The following EBF1 variants were observed in gnomAD, a reference collection of about 807,000 sequenced individuals.
EBF1 encodes EBF transcription factor 1.
In EBF1, 10 loss-of-function variants were observed where a neutral mutation model predicts 68.4. That is an observed-to-expected ratio of 0.15 (90% CI 0.09 to 0.25). EBF1 has a LOEUF of 0.25. EBF1 is among the 10% of genes least tolerant of loss of function. EBF1 has a pLI of 1.00. For synonymous variants in EBF1, 298 were observed against 299.8 expected (o/e 0.99, Z 0.06); for missense variants, 509 against 794.4 (o/e 0.64, Z 4.32).
chr5:159,028,057 T>C (rs1456364471), intron 6 of EBF1, among the ~76,000 whole-genome samples: 1 of 152,254 alleles, frequency 6.6e-6, no homozygotes, highest in Non-Finnish European at 1.5e-5. Flanking sequence ...TTTGTGCAAC[T>C]GCTTCCTACT....
chr5:158,716,454 G>A (rs539852142), intron 11 of EBF1, among the ~76,000 whole-genome samples: 1 of 152,244 alleles, frequency 6.6e-6, no homozygotes, highest in African/African-American at 2.4e-5. Flanking sequence ...CATCACTTCA[G>A]GCCAGCAGTC....
chr5:158,786,473 G>A lies in EBF1; in HGVS notation c.910-8934C>T, dbSNP rs113670291. The stretch of plus-strand genomic sequence containing the variant: ...TTCCCAGGATGTAGATCTTGTGCCA[G>A]TTGGGCCCCATTAAAGACTGGATCC... On this transcript the variant is annotated intron_variant, in intron 9 of 15. Coordinates refer to ENST00000313708, the MANE Select transcript of EBF1 (RefSeq NM_024007.5). Among the ~76,000 whole-genome samples, 1,356 of 151,910 alleles carry A rather than the reference G, an allele frequency of 8.9e-3. 19 individuals carry two copies. Among genetic ancestry groups the A allele is most frequent in the African/African-American group, 0.031 (1,290 of 41,394 alleles).
chr5:159,076,916 A>C (rs894912401), intron 5 of EBF1, among the ~76,000 whole-genome samples: 2 of 152,220 alleles, frequency 1.3e-5, no homozygotes, highest in Admixed American at 6.5e-5. Context: ...CATTAAAAAG[A>C]ATGAAGGTAG....
At chr5:159,032,341 G>A (rs975630610) in intron 6 of EBF1, among the ~76,000 whole-genome samples, 2 of 152,132 alleles carry the variant, frequency 1.3e-5, no homozygotes, top group African/African-American at 4.8e-5. Flanking sequence ...TTCAAACCCA[G>A]GGCCATCTGA....
At chr5:158,889,703 G>A (rs775541451) in intron 6 of EBF1, among the ~76,000 whole-genome samples, 1 of 152,142 alleles carries the variant, frequency 6.6e-6, no homozygotes, top group Non-Finnish European at 1.5e-5. Flanking sequence ...GAGGGATTAA[G>A]GGAATATGTG....
intron 6 of EBF1, among the ~76,000 whole-genome samples, chr5:158,897,333 A>C (rs1478183120): frequency 6.6e-6 from 1 of 152,204 alleles, no homozygotes; most frequent in Non-Finnish European, 1.5e-5. Context: ...CAAATACTGC[A>C]TGTTCTCACT....
intron 6 of EBF1, among the ~76,000 whole-genome samples, chr5:158,991,529 A>G (rs1177687089): frequency 6.6e-6 from 1 of 152,220 alleles, no homozygotes; most frequent in Non-Finnish European, 1.5e-5. Context: ...TCAAGAAAAG[A>G]AGAAGCGCGC....
chr5:159,087,313 C>T (rs13167291), intron 4 of EBF1, among the ~76,000 whole-genome samples: 72,671 of 143,100 alleles, frequency 0.51, 20,009 homozygotes, highest in African/African-American at 0.73. Context: ...TACACACACA[C>T]ATATATATAC....
chr5:159,002,947 A>G (rs1762838106), intron 6 of EBF1, among the ~76,000 whole-genome samples: 1 of 152,218 alleles, frequency 6.6e-6, no homozygotes, highest in Non-Finnish European at 1.5e-5. Flanking sequence ...CATCAAAAGG[A>G]AGTTTTGTGA....
chr5:158,921,913 G>C (rs1808525214), intron 6 of EBF1, among the ~76,000 whole-genome samples: 1 of 152,208 alleles, frequency 6.6e-6, no homozygotes, highest in Non-Finnish European at 1.5e-5. Flanking sequence ...TATTGAACCT[G>C]TAAAACTCAG....
Position 158,802,250 on chromosome 5 carries a change from A to G in EBF1, c.779-5775T>C, listed in dbSNP as rs1780735830. Among the ~76,000 whole-genome samples, 4 of 152,152 alleles carry G rather than the reference A, an allele frequency of 2.6e-5. No homozygotes were observed. In the South Asian group the frequency reaches 8.3e-4, roughly 32 times the overall value. On this transcript the variant is annotated intron_variant, in intron 8 of 15. Transcript: ENST00000313708. ...TTTATCATATCTTATCCCCAAAATG[A>G]GGCATTTGTGACAATCGATGTGACA...
chr5:159,095,816 T>C (rs972115225), intron 3 of EBF1, 141 bp from the exon 4 acceptor site: 96 of 825,498 alleles, frequency 1.2e-4, no homozygotes, highest in Non-Finnish European at 1.8e-4. Flanking sequence ...TGATTGGAAC[T>C]CCCACTGTCC....
Position 158,697,935 on chromosome 5 carries a change from G to A in EBF1, c.*1176C>T. ...ATAGAACAGAAAACTATGTTTTGGA[G>A]GTCTCAACCTTCTTTTCCTTTCTCC... On this transcript the variant is annotated 3_prime_UTR_variant, in exon 16 of 16. Coordinates refer to ENST00000313708, the MANE Select transcript of EBF1 (RefSeq NM_024007.5). The A allele has an allele frequency of 4.8e-6, 1 of 209,974 alleles. No individual in the cohort carries two copies. The allele number at this position is 209,974 out of a possible 1,614,324, so 13.0% of individuals were successfully genotyped here.
At chr5:158,977,459 G>A (rs888476464) in intron 6 of EBF1, among the ~76,000 whole-genome samples, 4 of 152,226 alleles carry the variant, frequency 2.6e-5, no homozygotes, top group African/African-American at 9.6e-5. Context: ...CATGGATTTG[G>A]AATGTAAGAA....
At chr5:158,987,744 A>G (rs1360158813) in intron 6 of EBF1, among the ~76,000 whole-genome samples, 1 of 152,240 alleles carries the variant, frequency 6.6e-6, no homozygotes, top group Non-Finnish European at 1.5e-5. Context: ...GGAAAAAGAT[A>G]TAAGAACTCT....
At chr5:158,790,729 G>A (rs1434044209) in intron 9 of EBF1, among the ~76,000 whole-genome samples, 1 of 152,114 alleles carries the variant, frequency 6.6e-6, no homozygotes, top group Non-Finnish European at 1.5e-5. Context: ...ACATTATCTA[G>A]AAGACGAATT....
At chr5:159,021,790 C>A (rs943785056) in intron 6 of EBF1, among the ~76,000 whole-genome samples, 1 of 152,102 alleles carries the variant, frequency 6.6e-6, no homozygotes, top group African/African-American at 2.4e-5. Context: ...TACAACCAAC[C>A]CAGCTGGAAG....
chr5:158,760,389 A>G (rs1273322370), intron 10 of EBF1, among the ~76,000 whole-genome samples: 1 of 152,166 alleles, frequency 6.6e-6, no homozygotes, highest in Non-Finnish European at 1.5e-5. Context: ...ATGAGAACCC[A>G]TTATATAAGA....
chr5:158,757,872 G>A (rs894399029), intron 10 of EBF1, among the ~76,000 whole-genome samples: 5 of 152,112 alleles, frequency 3.3e-5, no homozygotes, highest in African/African-American at 9.7e-5. Context: ...AATAAGAATC[G>A]GGGGCTTTGT....
Sources: allele counts gnomAD v4.1 joint callset (sites outside exome capture counted in the v4.1 genomes callset), GRCh38; gene constraint gnomAD v4.1.1; transcripts MANE v1.5; gene names NCBI Gene and HGNC (gene_info 2026-07-23, HGNC 2026-07-21).